ALDH2: variants seen among roughly 807,000 people sequenced by gnomAD.
ALDH2 encodes the protein aldehyde dehydrogenase 2 family member, also known as aldehyde dehydrogenase, mitochondrial.
Under a neutral mutation model 59.6 loss-of-function variants are expected in ALDH2, and 44 were observed. The ratio of observed to expected loss-of-function variants is 0.74; its 90% CI spans 0.58 to 0.95. ALDH2 has a LOEUF of 0.95. Ranked by LOEUF, ALDH2 falls within the 40% of genes least tolerant of loss-of-function variation. The pLI is 0.00. For missense variants in ALDH2, 570 were observed against 696.3 expected (o/e 0.82, Z 2.04); for synonymous variants, 291 against 284.0 (o/e 1.02, Z -0.25).
chr12:111,809,496 T>A (rs1163332036), intron 12 of ALDH2, 47 bp from the exon 13 acceptor site: 25 of 1,612,118 alleles, frequency 1.6e-5, no homozygotes, highest in Non-Finnish European at 2.0e-5. Context: ...GACCTACAGA[T>A]CACAGGGAAG....
chr12:111,786,382 G>A (rs554283715), intron 4 of ALDH2, among the ~76,000 whole-genome samples: 397 of 151,938 alleles, frequency 2.6e-3, no homozygotes, highest in African/African-American at 8.2e-3. Flanking sequence ...GACTACAGGC[G>A]CCCGCCACCA....
At position 111,792,842 on chromosome 12, in the gene ALDH2, G is replaced by A. The variant is rs576350725; in HGVS notation, c.1083+60G>A. The A allele has an allele frequency of 6.7e-6, 10 of 1,498,290 alleles. No individual in the cohort carries two copies. The East Asian group carries it at 2.2e-4, about 33-fold the overall frequency. The allele number at this position is 1,498,290 out of a possible 1,614,324, so 92.8% of individuals were successfully genotyped here. Reference sequence around the variant, plus strand: ...AGAGCCAGCATGAGAAGCAGAGAGGGCATCGGGCTCAGATCAGTTGGGACT... The same window carrying A: ...AGAGCCAGCATGAGAAGCAGAGAGGACATCGGGCTCAGATCAGTTGGGACT... On this transcript the variant is annotated intron_variant, in intron 9 of 12. Coordinates refer to ENST00000261733, the MANE Select transcript of ALDH2 (RefSeq NM_000690.4).
chr12:111,808,514 G>T (rs1419268160), intron 12 of ALDH2, among the ~76,000 whole-genome samples: 3 of 152,054 alleles, frequency 2.0e-5, no homozygotes, highest in African/African-American at 7.2e-5. Context: ...AGACCAGCCT[G>T]ACCAACAAGG....
intron 4 of ALDH2, among the ~76,000 whole-genome samples, chr12:111,786,667 T>A (rs990890870): frequency 6.6e-6 from 1 of 152,028 alleles, no homozygotes; most frequent in East Asian, 1.9e-4. Context: ...CACTTCAGCC[T>A]CCTAAGTAGC....
chr12:111,800,084 C>A, intron 11 of ALDH2, 21 bp downstream of exon 11: 1 of 1,600,168 alleles, frequency 6.2e-7, no homozygotes, highest in South Asian at 1.1e-5. Flanking sequence ...CCCAGCAGCC[C>A]CTCACAACCC....
At chr12:111,795,160 C>T (rs1362029330) in intron 9 of ALDH2, among the ~76,000 whole-genome samples, 1 of 152,212 alleles carries the variant, frequency 6.6e-6, no homozygotes, top group Non-Finnish European at 1.5e-5. Flanking sequence ...TGTATCAGAA[C>T]ATAAAAGGCC....
At chr12:111,786,754 C>T (rs1441054697) in intron 4 of ALDH2, among the ~76,000 whole-genome samples, 4 of 151,874 alleles carry the variant, frequency 2.6e-5, no homozygotes. Flanking sequence ...GCTATGTTGC[C>T]CAGGCTAGTT....
intron 1 of ALDH2, among the ~76,000 whole-genome samples, chr12:111,774,217 C>T (rs2068220180): frequency 2.6e-5 from 4 of 152,226 alleles, no homozygotes; most frequent in East Asian, 1.9e-4. Context: ...AGTCTTGGTT[C>T]GGGAGTGTCC....
intron 1 of ALDH2, 81 bp from the exon 2 acceptor site, chr12:111,781,837 G>GC: frequency 1.1e-6 from 1 of 886,132 alleles, no homozygotes; most frequent in Non-Finnish European, 1.7e-6. Context: ...GCTTTTTCTT[G>GC]TTTTTTTTTT....
At chr12:111,788,329 C>T (rs1044181021) in intron 4 of ALDH2, among the ~76,000 whole-genome samples, 22 of 152,324 alleles carry the variant, frequency 1.4e-4, no homozygotes, top group Admixed American at 1.4e-3. Flanking sequence ...TTGGCAGCCT[C>T]GACTGCGAGG....
intron 2 of ALDH2, among the ~76,000 whole-genome samples, chr12:111,782,540 G>C (rs1183400108): frequency 6.6e-6 from 1 of 151,922 alleles, no homozygotes; most frequent in African/African-American, 2.4e-5. Flanking sequence ...GGGAAACATA[G>C]TGAGATACCA....
At chr12:111,795,688 TTTGAA>T (rs1236316400) in intron 9 of ALDH2, among the ~76,000 whole-genome samples, 4 of 149,708 alleles carry the variant, frequency 2.7e-5, no homozygotes, top group Non-Finnish European at 4.4e-5. Flanking sequence ...GTCTCCCAGG[TTTGAA>T]TGATTCTCCT....
At chr12:111,802,524 T>C (rs2068460754) in intron 11 of ALDH2, among the ~76,000 whole-genome samples, 1 of 150,792 alleles carries the variant, frequency 6.6e-6, no homozygotes, top group South Asian at 2.1e-4. Context: ...GAAGTTGCAG[T>C]GAGCCGAGAT....
chr12:111,782,004 G>A lies in ALDH2; in HGVS notation c.201G>A (p.Gln67=), dbSNP rs1205759149. 1 of 1,613,848 alleles carries A rather than the reference G, an allele frequency of 6.2e-7. No homozygotes were observed. Among genetic ancestry groups the A allele is most frequent in the Admixed American group, 1.7e-5 (1 of 60,014 alleles). The part of the protein sequence containing the change: ...VNPSTGEVIC[Q]VAEGDKEDVD... ...CGTCCACTGGAGAGGTCATCTGTCAGGTAGCTGAAGGGGACAAGGTGAGAA... is the reference window on the plus strand; with the variant it reads ...CGTCCACTGGAGAGGTCATCTGTCAAGTAGCTGAAGGGGACAAGGTGAGAA... The change falls in exon 2 of 13, where the codon CAG becomes CAA. Residue 67 remains glutamine (Q), a synonymous_variant. Transcript: ENST00000261733.
rs986709711 is a variant in ALDH2 at position 111,773,046 on chromosome 12, G to A, written c.114+5950G>A. 2.0e-5 allele frequency among the ~76,000 whole-genome samples: 3 copies of A among 149,404 alleles called. No individual in the cohort carries two copies. In the Admixed American group the frequency reaches 2.0e-4, roughly 10 times the overall value. On this transcript the variant is annotated intron_variant, in intron 1 of 12. Transcript: ENST00000261733. ...GGCCGAGGCAGGCGGATCACCTCAG[G>A]TGGAGACCAGCCTGACCAATATGAT...
chr12:111,793,958 G>A (rs1452125074), intron 9 of ALDH2, among the ~76,000 whole-genome samples: 1 of 150,448 alleles, frequency 6.6e-6, no homozygotes, highest in African/African-American at 2.5e-5. Flanking sequence ...TGAAACCCCC[G>A]TCCTCCACCT....
chr12:111,794,427 G>C (rs1174615901), intron 9 of ALDH2, among the ~76,000 whole-genome samples: 1 of 152,100 alleles, frequency 6.6e-6, no homozygotes, highest in African/African-American at 2.4e-5. Flanking sequence ...TTGCATTTCT[G>C]ATTCCTCAGT....
rs927165444 is a variant in ALDH2 at position 111,817,138 on chromosome 12, G to T, written c.*7563G>T. On this transcript the variant is annotated 3_prime_UTR_variant, in exon 13 of 13. Transcript: ENST00000261733. ...AGTGGCCATGCTTGGTTGGCTATAC[G>T]CATCCAGTTTTCCATGTACTGAGTT... 1.3e-5 allele frequency: 2 copies of T among 152,194 alleles called. No individual in the cohort carries two copies. Among genetic ancestry groups the T allele is most frequent in the Non-Finnish European group, 2.9e-5 (2 of 68,028 alleles). The allele number at this position is 152,194 out of a possible 1,614,324, so 9.4% of individuals were successfully genotyped here.
intron 1 of ALDH2, among the ~76,000 whole-genome samples, chr12:111,777,301 C>G (rs2068240678): frequency 6.6e-6 from 1 of 152,156 alleles, no homozygotes; most frequent in Admixed American, 6.5e-5. Context: ...TACACAGAAC[C>G]GCTGGTGTGG....
Sources: gnomAD v4.1 joint callset for allele counts (sites outside exome capture counted in the v4.1 genomes callset) on GRCh38, gnomAD v4.1.1 for gene constraint, MANE v1.5 for transcripts, NCBI Gene and HGNC (gene_info 2026-07-23, HGNC 2026-07-21) for gene names.